HSD17B4: variants seen among roughly 807,000 people sequenced by gnomAD.
The protein encoded by HSD17B4 is peroxisomal multifunctional enzyme type 2.
In HSD17B4, 70 loss-of-function variants were observed where a neutral mutation model predicts 101.0. The ratio of observed to expected loss-of-function variants is 0.69; its 90% CI spans 0.57 to 0.85. HSD17B4 has a LOEUF of 0.85. Among genes scored for constraint, HSD17B4 ranks in the 40% least tolerant of loss-of-function variants. The pLI is 0.00. For missense variants in HSD17B4, 984 were observed against 892.4 expected (o/e 1.10, Z -1.31); for synonymous variants, 347 against 297.1 (o/e 1.17, Z -1.73).
intron 16 of HSD17B4, among the ~76,000 whole-genome samples, chr5:119,510,093 G>T (rs751829703): frequency 6.6e-6 from 1 of 152,110 alleles, no homozygotes; most frequent in Non-Finnish European, 1.5e-5. Context: ...TTGGTAATAC[G>T]TACTTTGAAA....
chr5:119,498,447 T>C (rs961219387), intron 12 of HSD17B4, among the ~76,000 whole-genome samples: 15 of 152,226 alleles, frequency 9.9e-5, no homozygotes, highest in African/African-American at 3.6e-4. Flanking sequence ...ATAAAAATGA[T>C]TGAAAAATTG....
chr5:119,535,418 A>G (rs1399153836), intron 22 of HSD17B4, among the ~76,000 whole-genome samples: 1 of 151,960 alleles, frequency 6.6e-6, no homozygotes, highest in Non-Finnish European at 1.5e-5. Flanking sequence ...TTAGGTCTCT[A>G]GTCTGCTTTA....
chr5:119,495,712 C>G (rs1750579565), intron 11 of HSD17B4: 1 of 187,558 alleles, frequency 5.3e-6, no homozygotes. Flanking sequence ...GTTCTGTCTC[C>G]CAGGCTGGAG....
intron 2 of HSD17B4, among the ~76,000 whole-genome samples, chr5:119,459,798 A>G (rs1261651063): frequency 5.3e-5 from 8 of 151,998 alleles, no homozygotes; most frequent in Non-Finnish European, 1.0e-4. Context: ...TTAATCTATT[A>G]GTCCATGAAT....
At chr5:119,540,827 T>A (rs1754930165) in intron 23 of HSD17B4, among the ~76,000 whole-genome samples, 1 of 152,164 alleles carries the variant, frequency 6.6e-6, no homozygotes, top group Admixed American at 6.5e-5. Context: ...TGGCCCTACT[T>A]CTTGCTGGCT....
At chr5:119,477,647 T>C in intron 7 of HSD17B4, 146 bp downstream of exon 7, 2 of 684,198 alleles carry the variant, frequency 2.9e-6, no homozygotes, top group Non-Finnish European at 5.4e-6. Flanking sequence ...TTTTGGCACA[T>C]ACCCTCATTA....
chr5:119,487,867 GAGA>G (rs1209748509), intron 8 of HSD17B4, among the ~76,000 whole-genome samples: 3 of 152,094 alleles, frequency 2.0e-5, no homozygotes, highest in African/African-American at 7.2e-5. Flanking sequence ...TGTACAATTT[GAGA>G]TGGTTGGAGT....
intron 16 of HSD17B4, among the ~76,000 whole-genome samples, chr5:119,514,006 TAA>T (rs1475236824): frequency 6.6e-6 from 1 of 152,192 alleles, no homozygotes; most frequent in East Asian, 1.9e-4. Flanking sequence ...TCAGAAATTT[TAA>T]AAGACTGCTC....
At chr5:119,527,790 C>T (rs971293451) in intron 20 of HSD17B4, among the ~76,000 whole-genome samples, 1 of 152,018 alleles carries the variant, frequency 6.6e-6, no homozygotes. Context: ...TGAGTTTTCT[C>T]TGGACAGAAA....
In HSD17B4 at chr5:119,474,696, C is replaced by T. The variant is rs10078097; in HGVS notation, c.280+236C>T. 0.081 allele frequency among the ~76,000 whole-genome samples: 12,365 copies of T among 152,028 alleles called. 1,235 individuals carry two copies. Among genetic ancestry groups the T allele is most frequent in the East Asian group, 0.41 (2,120 of 5,176 alleles). On this transcript the variant is annotated intron_variant, in intron 4 of 23. Coordinates refer to ENST00000510025, the MANE Select transcript of HSD17B4 (RefSeq NM_000414.4). ...CACCTTAAGTGCTTTAAAAAACTTACGAGCGTTTACTCAGTGCCCTTTTTA... is the reference window on the plus strand; with the variant it reads ...CACCTTAAGTGCTTTAAAAAACTTATGAGCGTTTACTCAGTGCCCTTTTTA...
At position 119,531,566 on chromosome 5, in the gene HSD17B4, GGGGTGT is replaced by G. The variant is rs1389038282; in HGVS notation, c.1993+164_1993+169del. On this transcript the variant is annotated intron_variant, in intron 22 of 23. Transcript: ENST00000510025. ...GAATAGGTTTGGGAATGTCCAAAGG[GGGGTGT>G]GTGTGTGTGTGTGTGTGTGTGTGTT... is the stretch of plus-strand genomic sequence containing the variant. 5.4e-3 allele frequency among the ~76,000 whole-genome samples: 190 copies of G among 35,278 alleles called. No individual in the cohort carries two copies. The East Asian group carries it at 0.071, about 13-fold the overall frequency. 23.1% of individuals were successfully genotyped at this position (35,278 alleles called of 152,430 possible).
intron 11 of HSD17B4, among the ~76,000 whole-genome samples, chr5:119,494,902 C>A (rs1750490855): frequency 6.6e-6 from 1 of 152,016 alleles, no homozygotes; most frequent in African/African-American, 2.4e-5. Context: ...CTCACATATA[C>A]ATGTAATATA....
chr5:119,534,946 C>G (rs1328453787), intron 22 of HSD17B4, among the ~76,000 whole-genome samples: 1 of 142,118 alleles, frequency 7.0e-6, no homozygotes, highest in East Asian at 2.0e-4. Context: ...TGTTATTCAT[C>G]TTAATAACAT....
At chr5:119,531,960 C>T (rs547639240) in intron 22 of HSD17B4, among the ~76,000 whole-genome samples, 25 of 152,040 alleles carry the variant, frequency 1.6e-4, no homozygotes, top group East Asian at 1.9e-4. Flanking sequence ...AACATCTTGC[C>T]GCAGAAAGAA....
chr5:119,461,721 C>CA (rs545291977), intron 2 of HSD17B4, among the ~76,000 whole-genome samples: 16,087 of 74,666 alleles, frequency 0.22, 1,139 homozygotes, highest in Non-Finnish European at 0.24. Context: ...CTGTCTTTGC[C>CA]AAAAAAAAAA....
intron 17 of HSD17B4, among the ~76,000 whole-genome samples, chr5:119,522,400 G>A (rs1753200211): frequency 6.6e-6 from 1 of 152,182 alleles, no homozygotes; most frequent in Admixed American, 6.5e-5. Context: ...AAACATACGT[G>A]TGCATGTGTC....
chr5:119,475,732 G>A lies in HSD17B4; in HGVS notation c.302+5G>A, dbSNP rs1561442163. 6.3e-7 allele frequency: 1 copy of A among 1,597,562 alleles called. No individual in the cohort carries two copies. Among genetic ancestry groups the A allele is most frequent in the Non-Finnish European group, 8.6e-7 (1 of 1,166,420 alleles). The stretch of plus-strand genomic sequence containing the variant: ...TGTTGTGGTCAACAATGCTGGGTGA[G>A]TATTTCTTTTTCATTTTTAGTGATG... On this transcript the variant is annotated splice_donor_5th_base_variant and intron_variant, in intron 5 of 23. Coordinates refer to ENST00000510025, the MANE Select transcript of HSD17B4 (RefSeq NM_000414.4).
intron 6 of HSD17B4, among the ~76,000 whole-genome samples, 167 bp downstream of exon 6, chr5:119,476,037 C>T (rs1048676486): frequency 1.3e-5 from 2 of 152,114 alleles, no homozygotes; most frequent in Non-Finnish European, 1.5e-5. Context: ...TAGAAGTAGC[C>T]TCTTTTAGAA....
At chr5:119,461,644 G>T (rs1280339350) in intron 2 of HSD17B4, among the ~76,000 whole-genome samples, 1 of 151,968 alleles carries the variant, frequency 6.6e-6, no homozygotes, top group Non-Finnish European at 1.5e-5. Flanking sequence ...CAGTTTGGGA[G>T]GCTGAGGCAG....
Sources: gnomAD v4.1 joint callset for allele counts (sites outside exome capture counted in the v4.1 genomes callset) on GRCh38, gnomAD v4.1.1 for gene constraint, MANE v1.5 for transcripts, NCBI Gene and HGNC (gene_info 2026-07-23, HGNC 2026-07-21) for gene names.